Variants in FGF14 observed in about 807,000 individuals in gnomAD.
FGF14 encodes fibroblast growth factor homologous factor 4.
In FGF14, 5 loss-of-function variants were observed where a neutral mutation model predicts 25.5. The observed-to-expected ratio is 0.20, with a 90% CI of 0.10 to 0.41. The LOEUF is 0.41. FGF14 is among the 10% of genes least tolerant of loss of function. FGF14 has a pLI of 1.00. For missense variants in FGF14, 222 were observed against 320.1 expected (o/e 0.69, Z 2.34); for synonymous variants, 138 against 118.3 (o/e 1.17, Z -1.08).
Position 102,374,999 on chromosome 13 carries a change from T to C in FGF14, c.208+26472A>G, listed in dbSNP as rs1409246432. ...ACACATTTGCTAAATTCTGCTTTGG[T>C]TGACTAAACTTTTTGTTTGTTTGAA... On this transcript the variant is annotated intron_variant, in intron 1 of 4. Transcript: ENST00000376131. 3.3e-5 allele frequency among the ~76,000 whole-genome samples: 5 copies of C among 152,032 alleles called. No individual in the cohort carries two copies. The East Asian group carries it at 7.7e-4, about 23-fold the overall frequency.
chr13:102,029,505 A>G (rs2041103553), intron 1 of FGF14, among the ~76,000 whole-genome samples: 1 of 152,194 alleles, frequency 6.6e-6, no homozygotes, highest in Admixed American at 6.5e-5. Context: ...TCATGTGTGT[A>G]GATCAACATG....
At chr13:102,122,772 G>A (rs894100386) in intron 1 of FGF14, among the ~76,000 whole-genome samples, 1 of 152,280 alleles carries the variant, frequency 6.6e-6, no homozygotes, top group Admixed American at 6.5e-5. Flanking sequence ...TATTGAGGAT[G>A]TAAATATTCC....
chr13:102,159,087 C>T (rs2047499967), intron 1 of FGF14, among the ~76,000 whole-genome samples: 1 of 145,742 alleles, frequency 6.9e-6, no homozygotes, highest in Admixed American at 7.0e-5. Flanking sequence ...TTGCAGAGAG[C>T]CAAGATCATG....
intron 1 of FGF14, among the ~76,000 whole-genome samples, chr13:102,187,465 G>A (rs146554869): frequency 3.3e-5 from 5 of 152,210 alleles, no homozygotes; most frequent in Non-Finnish European, 7.4e-5. Context: ...GAGTTCAGCC[G>A]GATCTGACTT....
intron 3 of FGF14, among the ~76,000 whole-genome samples, chr13:101,775,531 TG>T (rs1203112163): frequency 2.6e-5 from 4 of 152,134 alleles, no homozygotes; most frequent in Non-Finnish European, 5.9e-5. Flanking sequence ...TGAGTGTGTG[TG>T]TGTGTGTTAG....
intron 3 of FGF14, among the ~76,000 whole-genome samples, chr13:101,756,008 C>T (rs936483952): frequency 1.3e-5 from 2 of 152,102 alleles, no homozygotes; most frequent in African/African-American, 2.4e-5. Flanking sequence ...ATTAGTGTAG[C>T]TCTTCCCAAT....
chr13:101,848,789 T>C (rs138068132), intron 3 of FGF14, among the ~76,000 whole-genome samples: 1,873 of 152,158 alleles, frequency 0.012, 13 homozygotes, highest in Non-Finnish European at 0.019. Context: ...ATGAAGGGTA[T>C]AGAAGTTATT....
intron 3 of FGF14, among the ~76,000 whole-genome samples, chr13:101,798,727 T>C (rs767191836): frequency 1.3e-5 from 2 of 152,158 alleles, no homozygotes; most frequent in African/African-American, 2.4e-5. Flanking sequence ...CATTTGCCTG[T>C]GTCTAAGGGA....
chr13:102,051,864 A>G (rs1322973635), intron 1 of FGF14, among the ~76,000 whole-genome samples: 1 of 152,208 alleles, frequency 6.6e-6, no homozygotes, highest in African/African-American at 2.4e-5. Context: ...GAAAAACCAA[A>G]GAGACATAAC....
At chr13:101,949,314 T>C (rs904927328) in intron 1 of FGF14, among the ~76,000 whole-genome samples, 1 of 152,132 alleles carries the variant, frequency 6.6e-6, no homozygotes, top group Admixed American at 6.6e-5. Flanking sequence ...CACTGCCCAG[T>C]GTGGACTTCC....
At chr13:101,986,940 AC>A (rs2038618041) in intron 1 of FGF14, among the ~76,000 whole-genome samples, 1 of 52,246 alleles carries the variant, frequency 1.9e-5, no homozygotes, top group South Asian at 5.8e-4. Flanking sequence ...ATGTGCATGC[AC>A]ACACACACAC....
chr13:101,760,159 A>G (rs2037925266), intron 3 of FGF14, among the ~76,000 whole-genome samples: 1 of 152,192 alleles, frequency 6.6e-6, no homozygotes, highest in South Asian at 2.1e-4. Context: ...TTTTTGATGG[A>G]AACAAACCTG....
At chr13:102,371,015 T>C (rs531640517) in intron 1 of FGF14, among the ~76,000 whole-genome samples, 2 of 152,218 alleles carry the variant, frequency 1.3e-5, no homozygotes, top group African/African-American at 4.8e-5. Context: ...TCAAGATCTC[T>C]CCACTTCTAG....
chr13:102,018,830 G>T (rs1031318898), intron 1 of FGF14, among the ~76,000 whole-genome samples: 3 of 152,048 alleles, frequency 2.0e-5, no homozygotes, highest in Admixed American at 6.6e-5. Context: ...TTTTTAAAAT[G>T]AGCTACATCT....
At chr13:102,027,544 T>A (rs903113297) in intron 1 of FGF14, among the ~76,000 whole-genome samples, 12 of 152,092 alleles carry the variant, frequency 7.9e-5, no homozygotes, top group Non-Finnish European at 2.9e-5. Flanking sequence ...TCCCCCAATT[T>A]ACTTATTCCA....
At chr13:102,202,966 C>A (rs1472634260) in intron 1 of FGF14, among the ~76,000 whole-genome samples, 1 of 152,136 alleles carries the variant, frequency 6.6e-6, no homozygotes, top group Non-Finnish European at 1.5e-5. Context: ...GCTGTCCAAA[C>A]CTTCAGTCTT....
chr13:102,144,823 T>C (rs1303034507), intron 1 of FGF14, among the ~76,000 whole-genome samples: 1 of 152,166 alleles, frequency 6.6e-6, no homozygotes, highest in Non-Finnish European at 1.5e-5. Flanking sequence ...TTTCAAATAA[T>C]TTTCATCTAA....
chr13:101,847,102 C>T (rs951201224), intron 3 of FGF14, among the ~76,000 whole-genome samples: 1 of 151,970 alleles, frequency 6.6e-6, no homozygotes, highest in South Asian at 2.1e-4. Context: ...ACCTAGCCAA[C>T]TTTGAGACAG....
At chr13:102,256,124 G>C (rs2052424565) in intron 1 of FGF14, among the ~76,000 whole-genome samples, 1 of 152,070 alleles carries the variant, frequency 6.6e-6, no homozygotes, top group South Asian at 2.1e-4. Flanking sequence ...GTTTTGATTT[G>C]GAAATATAAA....
Sources: gnomAD v4.1 joint callset for allele counts (sites outside exome capture counted in the v4.1 genomes callset) on GRCh38, gnomAD v4.1.1 for gene constraint, MANE v1.5 for transcripts, NCBI Gene and HGNC (gene_info 2026-07-23, HGNC 2026-07-21) for gene names.